The following SCD5 variants were observed in gnomAD, a reference collection of about 807,000 sequenced individuals.
SCD5 encodes the protein stearoyl-CoA desaturase 5, also known as acyl-CoA-desaturase 4.
In SCD5, 20 loss-of-function variants were observed where a neutral mutation model predicts 30.4. The ratio of observed to expected loss-of-function variants is 0.66; its 90% CI spans 0.46 to 0.96. The LOEUF (loss-of-function observed/expected upper bound fraction) is 0.96. Among genes scored for constraint, SCD5 ranks in the 40% least tolerant of loss-of-function variants. The pLI is 0.00. For synonymous variants in SCD5, 173 were observed against 176.4 expected, an observed-to-expected ratio of 0.98 and a Z score of 0.16; for missense variants, 381 against 443.3, an observed-to-expected ratio of 0.86 and a Z score of 1.26.
chr4:82,789,641 A>G (rs940596805), intron 1 of SCD5, among the ~76,000 whole-genome samples: 6 of 152,296 alleles, frequency 3.9e-5, no homozygotes, highest in African/African-American at 1.4e-4. Context: ...CCAGAGAGAA[A>G]CCTGCAGCCT....
intron 1 of SCD5, among the ~76,000 whole-genome samples, chr4:82,747,339 T>G (rs1477537498): frequency 1.3e-5 from 2 of 152,218 alleles, no homozygotes; most frequent in Non-Finnish European, 2.9e-5. Flanking sequence ...GGTTAAAGCC[T>G]GCCTGAGTCT....
At chr4:82,756,814 C>G (rs575949062) in intron 1 of SCD5, among the ~76,000 whole-genome samples, 4 of 152,236 alleles carry the variant, frequency 2.6e-5, no homozygotes, top group East Asian at 3.9e-4. Flanking sequence ...TCTTGCCCCC[C>G]TCAAATCCAT....
chr4:82,633,450 T>C (rs1027629308), intron 4 of SCD5, among the ~76,000 whole-genome samples: 1 of 152,232 alleles, frequency 6.6e-6, no homozygotes, highest in African/African-American at 2.4e-5. Context: ...CATGGGAGTA[T>C]AGATATCTCT....
At chr4:82,771,088 T>A (rs1040630983) in intron 1 of SCD5, among the ~76,000 whole-genome samples, 9 of 152,222 alleles carry the variant, frequency 5.9e-5, no homozygotes, top group African/African-American at 1.9e-4. Flanking sequence ...CACCTCAGCC[T>A]CCTGAGTAGC....
At chr4:82,679,246 A>AAGAAAGAAAGAG (rs1560531662) in intron 3 of SCD5, among the ~76,000 whole-genome samples, 1 of 90,608 alleles carries the variant, frequency 1.1e-5, no homozygotes, top group East Asian at 5.0e-4. Context: ...GAAAGAAAGA[A>AAGAAAGAAAGAG]AGAAAGAAAG....
At chr4:82,638,937 A>G (rs1727485575) in intron 3 of SCD5, among the ~76,000 whole-genome samples, 1 of 152,246 alleles carries the variant, frequency 6.6e-6, no homozygotes, top group Non-Finnish European at 1.5e-5. Context: ...TTTTACAGAT[A>G]GGGAAATAGA....
At chr4:82,679,134 G>A (rs555692589) in intron 3 of SCD5, among the ~76,000 whole-genome samples, 59 of 150,348 alleles carry the variant, frequency 3.9e-4, no homozygotes, top group Non-Finnish European at 7.7e-4. Context: ...AGGAGGCAGA[G>A]GTTGCAGTGA....
chr4:82,711,525 A>G (rs1720085617), intron 1 of SCD5, among the ~76,000 whole-genome samples: 1 of 152,158 alleles, frequency 6.6e-6, no homozygotes, highest in South Asian at 2.1e-4. Context: ...ACCAGCCTGG[A>G]TGACAAGGCA....
At chr4:82,663,638 C>T (rs546192174) in intron 3 of SCD5, among the ~76,000 whole-genome samples, 32 of 152,320 alleles carry the variant, frequency 2.1e-4, no homozygotes, top group African/African-American at 7.2e-4. Context: ...ACATGCTTAC[C>T]GTTCCAATAA....
chr4:82,701,864 C>T (rs1004405140), intron 2 of SCD5, among the ~76,000 whole-genome samples: 14 of 152,104 alleles, frequency 9.2e-5, no homozygotes, highest in African/African-American at 2.9e-4. Flanking sequence ...GATGCATGAG[C>T]GTGACAGCAC....
chr4:82,686,207 T>C (rs1349013574), intron 2 of SCD5, among the ~76,000 whole-genome samples: 1 of 152,152 alleles, frequency 6.6e-6, no homozygotes, highest in Non-Finnish European at 1.5e-5. Flanking sequence ...GGTCTCACTA[T>C]GTTACCCAGG....
intron 2 of SCD5, among the ~76,000 whole-genome samples, chr4:82,693,322 C>T (rs1416572356): frequency 6.6e-6 from 1 of 152,030 alleles, no homozygotes; most frequent in Non-Finnish European, 1.5e-5. Context: ...TCTCTCATTG[C>T]CTGTCCCTAT....
rs1720658662 is a variant in SCD5 at position 82,732,192 on chromosome 4, C to T, written c.233-26779G>A. ...CTCAGCTCACTGCAACCTCTGCCTC[C>T]CGAGTTCAAGCGATTCTCCTGCCTC... On this transcript the variant is annotated intron_variant, in intron 1 of 4. Coordinates refer to ENST00000319540, the MANE Select transcript of SCD5 (RefSeq NM_001037582.3). 2.6e-5 allele frequency among the ~76,000 whole-genome samples: 4 copies of T among 152,060 alleles called. No homozygotes were observed. The South Asian group carries it at 8.3e-4, about 32-fold the overall frequency.
intron 1 of SCD5, among the ~76,000 whole-genome samples, chr4:82,750,703 T>C (rs1309329554): frequency 1.3e-5 from 2 of 151,548 alleles, no homozygotes; most frequent in Non-Finnish European, 2.9e-5. Context: ...AAGAAAGCAC[T>C]GTTGGAGAAG....
intron 2 of SCD5, among the ~76,000 whole-genome samples, chr4:82,690,237 A>G (rs1728802092): frequency 6.6e-6 from 1 of 152,178 alleles, no homozygotes; most frequent in Non-Finnish European, 1.5e-5. Flanking sequence ...CTTACTCCCA[A>G]ATGATTCATA....
intron 1 of SCD5, among the ~76,000 whole-genome samples, chr4:82,711,251 A>T (rs1354077782): frequency 1.3e-5 from 2 of 152,026 alleles, no homozygotes; most frequent in Non-Finnish European, 2.9e-5. Flanking sequence ...GGTTCTGATG[A>T]GGAGGCAGAG....
chr4:82,773,516 G>A lies in SCD5; in HGVS notation c.232+24790C>T, dbSNP rs529785359. Reference sequence around the variant, plus strand: ...GTTGGTTTTGGCTGAGCTTCAGCCAGCTAAACTGAGTACCCCCACCTCGTG... The same window carrying A: ...GTTGGTTTTGGCTGAGCTTCAGCCAACTAAACTGAGTACCCCCACCTCGTG... On this transcript the variant is annotated intron_variant, in intron 1 of 4. Transcript: ENST00000319540. 1.3e-4 allele frequency among the ~76,000 whole-genome samples: 20 copies of A among 152,326 alleles called. No individual in the cohort carries two copies. The East Asian group carries it at 3.7e-3, about 28-fold the overall frequency.
intron 2 of SCD5, among the ~76,000 whole-genome samples, chr4:82,703,223 T>A (rs111956968): frequency 7.2e-5 from 11 of 152,252 alleles, no homozygotes; most frequent in Admixed American, 2.0e-4. Context: ...TGAAAAAGTA[T>A]GCATAGTTCA....
chr4:82,770,366 C>T (rs1200060445), intron 1 of SCD5, among the ~76,000 whole-genome samples: 1 of 152,160 alleles, frequency 6.6e-6, no homozygotes, highest in Non-Finnish European at 1.5e-5. Flanking sequence ...TCTTTGATAG[C>T]TGTGATCATC....
Sources: gnomAD v4.1 joint callset for allele counts (sites outside exome capture counted in the v4.1 genomes callset) on GRCh38, gnomAD v4.1.1 for gene constraint, MANE v1.5 for transcripts, NCBI Gene and HGNC (gene_info 2026-07-23, HGNC 2026-07-21) for gene names.